The following ARHGAP6 variants were observed in gnomAD, a reference collection of about 807,000 sequenced individuals.
ARHGAP6 encodes rho GTPase-activating protein 6.
ARHGAP6 carries 16 observed loss-of-function variants against 55.7 expected under a neutral mutation model. The ratio of observed to expected loss-of-function variants is 0.29; its 90% confidence interval spans 0.19 to 0.44. The LOEUF is 0.44. ARHGAP6 is among the 20% of genes least tolerant of loss of function. The pLI is 1.00. For missense variants in ARHGAP6, 698 were observed against 808.9 expected (o/e 0.86, Z 1.66); for synonymous variants, 382 against 360.9 (o/e 1.06, Z -0.66).
At chrX:11,469,488 T>C (rs1198092571) in intron 1 of ARHGAP6, among the ~76,000 whole-genome samples, 1 of 112,026 alleles carries the variant, frequency 8.9e-6, no homozygotes, top group Non-Finnish European at 1.9e-5. Flanking sequence ...TATATGCCCA[T>C]AGAATGCTGA....
chrX:11,474,942 C>T (rs1031122991), intron 1 of ARHGAP6, among the ~76,000 whole-genome samples: 9 of 110,795 alleles, frequency 8.1e-5, no homozygotes, highest in African/African-American at 3.0e-4. Flanking sequence ...CCCTTTTGAC[C>T]TTTTCTGCCA....
intron 1 of ARHGAP6, among the ~76,000 whole-genome samples, chrX:11,267,670 G>A (rs1050885155): frequency 1.8e-5 from 2 of 112,314 alleles, no homozygotes; most frequent in African/African-American, 6.5e-5. Context: ...TAAATGTTTC[G>A]TAAGAAGGTG....
intron 1 of ARHGAP6, among the ~76,000 whole-genome samples, chrX:11,521,570 G>T (rs867072073): frequency 3.6e-5 from 4 of 111,747 alleles, no homozygotes; most frequent in South Asian, 3.7e-4. Flanking sequence ...GCCTTATAGT[G>T]TAGTTTGAAG....
At chrX:11,327,989 T>C (rs1368384642) in intron 1 of ARHGAP6, among the ~76,000 whole-genome samples, 1 of 112,132 alleles carries the variant, frequency 8.9e-6, no homozygotes, top group Non-Finnish European at 1.9e-5. Context: ...AACAAAGACA[T>C]TGCTGATTTA....
At chrX:11,524,885 C>G (rs533936489) in intron 1 of ARHGAP6, among the ~76,000 whole-genome samples, 21 of 111,514 alleles carry the variant, frequency 1.9e-4, no homozygotes, top group African/African-American at 6.5e-4. Context: ...GAGACAGTGA[C>G]AGATCATCAG....
chrX:11,320,070 G>A (rs1215176635), intron 1 of ARHGAP6, among the ~76,000 whole-genome samples: 1 of 111,993 alleles, frequency 8.9e-6, no homozygotes, highest in African/African-American at 3.2e-5. Flanking sequence ...ACTTTGCTAG[G>A]TTTCAACCAC....
intron 1 of ARHGAP6, among the ~76,000 whole-genome samples, chrX:11,465,955 C>CTCT (rs1263229868): frequency 2.7e-5 from 3 of 110,448 alleles, no homozygotes; most frequent in African/African-American, 9.9e-5. Flanking sequence ...CCTCCTCCTC[C>CTCT]TCTTCCTTCT....
At chrX:11,346,123 C>T (rs1292511085) in intron 1 of ARHGAP6, among the ~76,000 whole-genome samples, 1 of 110,877 alleles carries the variant, frequency 9.0e-6, no homozygotes. Flanking sequence ...ATAAAAGAAG[C>T]AATTTGCCTG....
chrX:11,404,494 T>C (rs777186107), intron 1 of ARHGAP6, among the ~76,000 whole-genome samples: 59 of 112,315 alleles, frequency 5.3e-4, no homozygotes, highest in African/African-American at 1.6e-3. Context: ...ATTTACAAAT[T>C]ATTCCATATA....
intron 1 of ARHGAP6, among the ~76,000 whole-genome samples, chrX:11,310,974 C>T (rs1190916461): frequency 8.9e-6 from 1 of 112,138 alleles, no homozygotes; most frequent in Non-Finnish European, 1.9e-5. Flanking sequence ...AGATTAAATG[C>T]AACTTAAGCA....
chrX:11,213,626 A>G lies in ARHGAP6; in HGVS notation c.749-16630T>C, dbSNP rs780161892. On this transcript the variant is annotated intron_variant, in intron 2 of 12. Transcript: ENST00000337414. ...AGCACCACGAATGGAACTATAGACC[A>G]TTATTTTAAGTGAAACAAGTAAAAC... 2.7e-5 allele frequency among the ~76,000 whole-genome samples: 3 copies of G among 112,991 alleles called. No individual in the cohort carries two copies. The East Asian group carries it at 8.3e-4, about 31-fold the overall frequency.
intron 1 of ARHGAP6, among the ~76,000 whole-genome samples, chrX:11,441,869 T>G (rs1294577227): frequency 9.1e-6 from 1 of 110,497 alleles, no homozygotes; most frequent in Non-Finnish European, 1.9e-5. Context: ...GCCAGGTTTT[T>G]TTTTTTTCCT....
chrX:11,400,094 C>T (rs1264913584), intron 1 of ARHGAP6, among the ~76,000 whole-genome samples: 1 of 111,832 alleles, frequency 8.9e-6, no homozygotes, highest in Non-Finnish European at 1.9e-5. Context: ...TGGTTGGCTG[C>T]TAATGAATGC....
In ARHGAP6 at chrX:11,138,899, G is replaced by C; in HGVS notation, c.2889C>G (p.Thr963=). Reference sequence around the variant, plus strand: ...TCTCGGGCAGGGCATCGGGGTTGTCGGTCGACAGGAGCTCCCAGATCTGCC... The same window carrying C: ...TCTCGGGCAGGGCATCGGGGTTGTCCGTCGACAGGAGCTCCCAGATCTGCC... The part of the protein sequence containing the change: ...ERWQIWELLS[T]DNPDALPETL... Residue 963 remains threonine (T), a synonymous_variant, in exon 13 of 13, where the codon ACC becomes ACG. Coordinates refer to ENST00000337414, the MANE Select transcript of ARHGAP6 (RefSeq NM_013427.3). The C allele has an allele frequency of 8.4e-7, 1 of 1,186,461 alleles. No homozygotes were observed. Among genetic ancestry groups the C allele is most frequent in the Non-Finnish European group, 1.1e-6 (1 of 888,365 alleles).
At chrX:11,190,444 T>A (rs1213377683) in intron 3 of ARHGAP6, among the ~76,000 whole-genome samples, 1 of 100,956 alleles carries the variant, frequency 9.9e-6, no homozygotes, top group Non-Finnish European at 2.0e-5. Flanking sequence ...AGACCTCCTG[T>A]TATGTACCCT....
chrX:11,342,022 T>C (rs2048713636), intron 1 of ARHGAP6, among the ~76,000 whole-genome samples: 2 of 85,027 alleles, frequency 2.4e-5, no homozygotes, highest in Non-Finnish European at 4.2e-5. Flanking sequence ...CAAAATGAAA[T>C]ATTTGGATAT....
At chrX:11,355,565 G>A (rs1487386828) in intron 1 of ARHGAP6, among the ~76,000 whole-genome samples, 1 of 112,361 alleles carries the variant, frequency 8.9e-6, no homozygotes, top group Non-Finnish European at 1.9e-5. Context: ...CCTTCAAGGA[G>A]ACTATATCTA....
At chrX:11,155,273 A>G (rs2045847899) in intron 10 of ARHGAP6, among the ~76,000 whole-genome samples, 1 of 112,163 alleles carries the variant, frequency 8.9e-6, no homozygotes, top group Non-Finnish European at 1.9e-5. Context: ...CCATCGATTA[A>G]GACATGCCAT....
intron 1 of ARHGAP6, chrX:11,351,577 T>C: frequency 1.3e-6 from 1 of 754,125 alleles, no homozygotes; most frequent in Non-Finnish European, 1.6e-6. Flanking sequence ...ACCGCCTCAG[T>C]ACTGTCTTCC....
Sources: gnomAD v4.1 joint callset for allele counts (sites outside exome capture counted in the v4.1 genomes callset) on GRCh38, gnomAD v4.1.1 for gene constraint, MANE v1.5 for transcripts, NCBI Gene and HGNC (gene_info 2026-07-23, HGNC 2026-07-21) for gene names.